Variants in ARHGAP6 observed in about 807,000 individuals in gnomAD.
The protein encoded by ARHGAP6 is rho GTPase-activating protein 6.
A neutral mutation model predicts 55.7 loss-of-function variants in ARHGAP6; 16 were observed. The ratio of observed to expected loss-of-function variants is 0.29; its 90% confidence interval spans 0.19 to 0.44. The LOEUF is 0.44. Ranked by LOEUF, ARHGAP6 falls within the 20% of genes least tolerant of loss-of-function variation. ARHGAP6 has a pLI of 1.00. For missense variants in ARHGAP6, 698 were observed against 808.9 expected, an observed-to-expected ratio of 0.86 and a Z score of 1.66; for synonymous variants, 382 against 360.9, an observed-to-expected ratio of 1.06 and a Z score of -0.66.
At chrX:11,499,803 A>G (rs1274721883) in intron 1 of ARHGAP6, among the ~76,000 whole-genome samples, 2 of 111,791 alleles carry the variant, frequency 1.8e-5, no homozygotes, top group Non-Finnish European at 3.8e-5. Context: ...AAGCAGCGGC[A>G]TGGAGGTCTG....
chrX:11,145,788 C>G (rs1365593632), intron 10 of ARHGAP6, among the ~76,000 whole-genome samples: 7 of 112,521 alleles, frequency 6.2e-5, no homozygotes, highest in African/African-American at 2.3e-4. Flanking sequence ...AATCAGTAAA[C>G]CAAATGTGGG....
At chrX:11,244,379 T>C (rs908654092) in intron 2 of ARHGAP6, among the ~76,000 whole-genome samples, 1 of 111,433 alleles carries the variant, frequency 9.0e-6, no homozygotes, top group Non-Finnish European at 1.9e-5. Context: ...AAACAGGCAA[T>C]GGACTGGCTA....
chrX:11,240,239 G>A (rs1046382606), intron 2 of ARHGAP6, among the ~76,000 whole-genome samples: 1 of 112,311 alleles, frequency 8.9e-6, no homozygotes, highest in Non-Finnish European at 1.9e-5. Flanking sequence ...TTGCCACCCC[G>A]AGTGGAATGA....
At chrX:11,443,149 G>C (rs2050057335) in intron 1 of ARHGAP6, among the ~76,000 whole-genome samples, 1 of 112,147 alleles carries the variant, frequency 8.9e-6, no homozygotes, top group African/African-American at 3.2e-5. Context: ...CTGTTTGCCT[G>C]TTTCTGAACT....
At chrX:11,143,088 CTACATTAGGCTTT>C (rs1285648444) in intron 11 of ARHGAP6, 3 of 111,850 alleles carry the variant, frequency 2.7e-5, no homozygotes, top group Non-Finnish European at 5.6e-5. Flanking sequence ...GAGTAAGGCA[CTACATTAGGCTTT>C]TTCACCATCT....
rs148176515 is a variant in ARHGAP6, at chrX:11,194,142, C to A, written c.820+2783G>T. On this transcript the variant is annotated intron_variant, in intron 3 of 12. Coordinates refer to ENST00000337414, the MANE Select transcript of ARHGAP6 (RefSeq NM_013427.3). The stretch of plus-strand genomic sequence containing the variant: ...CTGGAGACATAAAAGTGCTCTACTG[C>A]AGGAATAGAATGAGCAAAAACTCTA... 7.1e-5 allele frequency among the ~76,000 whole-genome samples: 8 copies of A among 112,576 alleles called. No homozygotes were observed. The East Asian group carries it at 1.9e-3, about 27-fold the overall frequency.
At chrX:11,331,251 A>T (rs1262072235) in intron 1 of ARHGAP6, among the ~76,000 whole-genome samples, 1 of 111,965 alleles carries the variant, frequency 8.9e-6, no homozygotes, top group African/African-American at 3.2e-5. Context: ...CTTCTCAGAG[A>T]GGCCAAGAAT....
At chrX:11,229,249 C>A (rs1004077153) in intron 2 of ARHGAP6, among the ~76,000 whole-genome samples, 2 of 111,742 alleles carry the variant, frequency 1.8e-5, no homozygotes, top group African/African-American at 6.5e-5. Flanking sequence ...CTTACCTTAA[C>A]ATCTGTGTTC....
At chrX:11,619,886 C>G (rs1156854974) in intron 1 of ARHGAP6, among the ~76,000 whole-genome samples, 2 of 111,868 alleles carry the variant, frequency 1.8e-5, no homozygotes, top group African/African-American at 6.5e-5. Context: ...CACTTCATTC[C>G]TGAGGATTTT....
intron 1 of ARHGAP6, among the ~76,000 whole-genome samples, chrX:11,473,225 T>C (rs758586618): frequency 1.1e-4 from 12 of 111,338 alleles, no homozygotes; most frequent in African/African-American, 3.9e-4. Flanking sequence ...AAAGACATGG[T>C]ACATACAGGG....
At chrX:11,163,973 G>T (rs1268618308) in intron 9 of ARHGAP6, among the ~76,000 whole-genome samples, 2 of 112,633 alleles carry the variant, frequency 1.8e-5, no homozygotes, top group African/African-American at 6.4e-5. Context: ...TTCCACCTTT[G>T]TGGGACACAA....
chrX:11,568,226 T>C (rs772097559), intron 1 of ARHGAP6, among the ~76,000 whole-genome samples: 6 of 112,306 alleles, frequency 5.3e-5, no homozygotes, highest in Non-Finnish European at 1.1e-4. Flanking sequence ...GGCGTCAGCA[T>C]ACCCAGGTAC....
intron 1 of ARHGAP6, among the ~76,000 whole-genome samples, chrX:11,281,365 T>G (rs1315599631): frequency 9.0e-6 from 1 of 110,940 alleles, no homozygotes; most frequent in Non-Finnish European, 1.9e-5. Context: ...TTCATTAAGT[T>G]GTAAACTTAT....
At chrX:11,395,924 T>C (rs935642630) in intron 1 of ARHGAP6, among the ~76,000 whole-genome samples, 4 of 111,727 alleles carry the variant, frequency 3.6e-5, no homozygotes, top group African/African-American at 1.3e-4. Context: ...CTGAAAACTA[T>C]GCCAGTGATA....
At chrX:11,377,213 C>T (rs2049211904) in intron 1 of ARHGAP6, among the ~76,000 whole-genome samples, 1 of 112,225 alleles carries the variant, frequency 8.9e-6, no homozygotes, top group Non-Finnish European at 1.9e-5. Flanking sequence ...CAGCATAGTG[C>T]TTGGCACAAA....
At chrX:11,651,312 CCA>C (rs2052582249) in intron 1 of ARHGAP6, among the ~76,000 whole-genome samples, 1 of 111,060 alleles carries the variant, frequency 9.0e-6, no homozygotes, top group Admixed American at 9.6e-5. Context: ...CAGGTAGGCC[CCA>C]GTGTCTGTTG....
At chrX:11,608,234 A>G (rs146655161) in intron 1 of ARHGAP6, among the ~76,000 whole-genome samples, 1,254 of 112,095 alleles carry the variant, frequency 0.011, 18 homozygotes, top group African/African-American at 0.039. Context: ...GTACAAATAA[A>G]TTTAAGTAAT....
chrX:11,432,110 G>T (rs973271238), intron 1 of ARHGAP6, among the ~76,000 whole-genome samples: 1 of 112,541 alleles, frequency 8.9e-6, no homozygotes, highest in Non-Finnish European at 1.9e-5. Context: ...ATCACCCCTG[G>T]TTGAAATCCA....
At chrX:11,254,433 G>A (rs1602965704) in intron 2 of ARHGAP6, 115 bp downstream of exon 2, 1 of 980,635 alleles carries the variant, frequency 1.0e-6, no homozygotes, top group East Asian at 3.1e-5. Flanking sequence ...CCAAGAAGCT[G>A]TAGTTTCCTT....
Sources: allele counts gnomAD v4.1 joint callset (sites outside exome capture counted in the v4.1 genomes callset), GRCh38; gene constraint gnomAD v4.1.1; transcripts MANE v1.5; gene names NCBI Gene and HGNC (gene_info 2026-07-23, HGNC 2026-07-21).